Variants in GRK7 observed in about 807,000 individuals in gnomAD.
The protein encoded by GRK7 is rhodopsin kinase GRK7.
Under a neutral mutation model 34.1 loss-of-function variants are expected in GRK7, and 24 were observed. The ratio of observed to expected loss-of-function variants is 0.70; its 90% CI spans 0.51 to 0.99. The LOEUF (loss-of-function observed/expected upper bound fraction) is 0.99, where lower values mean the gene tolerates loss of function less well. Ranked by LOEUF, GRK7 falls within the 50% of genes least tolerant of loss-of-function variation. The pLI is 0.00. For synonymous variants in GRK7, 256 were observed against 279.4 expected, an observed-to-expected ratio of 0.92 and a Z score of 0.84; for missense variants, 644 against 707.3, an observed-to-expected ratio of 0.91 and a Z score of 1.02.
intron 5 of GRK7, among the ~76,000 whole-genome samples, chr3:141,814,225 T>TA (rs11448308): frequency 0.76 from 114,680 of 151,828 alleles, 43,620 homozygotes; most frequent in Middle Eastern, 0.84. Flanking sequence ...GACATTTCTT[T>TA]AAAAAAAAAT....
At chr3:141,788,085 G>A (rs1401993342) in intron 4 of GRK7, among the ~76,000 whole-genome samples, 2 of 152,208 alleles carry the variant, frequency 1.3e-5, no homozygotes, top group African/African-American at 4.8e-5. Context: ...ACTGGAGGCT[G>A]TAATTGAATT....
upstream of GRK7, among the ~76,000 whole-genome samples, chr3:141,760,713 G>A (rs1277170343): frequency 6.8e-6 from 1 of 147,192 alleles, no homozygotes; most frequent in Non-Finnish European, 1.5e-5. Context: ...TTGACAGTGG[G>A]GTGTTAAAGT....
intron 4 of GRK7, 82 bp downstream of exon 4, chr3:141,780,893 T>C (rs2084669388): frequency 1.6e-6 from 2 of 1,253,446 alleles, no homozygotes; most frequent in Non-Finnish European, 2.2e-6. Flanking sequence ...CCAGGGCAAA[T>C]AGAGCCTTGG....
At chr3:141,812,317 G>C (rs896770380) in intron 5 of GRK7, among the ~76,000 whole-genome samples, 1 of 152,166 alleles carries the variant, frequency 6.6e-6, no homozygotes, top group African/African-American at 2.4e-5. Flanking sequence ...TCTCCTATTT[G>C]TTCAAAGTGT....
intron 4 of GRK7, among the ~76,000 whole-genome samples, chr3:141,799,713 C>T (rs190984156): frequency 5.3e-5 from 8 of 152,126 alleles, no homozygotes; most frequent in Admixed American, 2.0e-4. Context: ...GCAAAATGGA[C>T]GCTATCTCAT....
At position 141,816,717 on chromosome 3, in the gene GRK7, A is replaced by G. The variant is rs141648507; in HGVS notation, c.1329A>G (p.Glu443=). 15 of 1,517,660 alleles carry G rather than the reference A, an allele frequency of 9.9e-6. No homozygotes were observed. In the African/African-American group the frequency reaches 2.1e-4, roughly 21 times the overall value. The allele number at this position is 1,517,660 out of a possible 1,614,324, so 94.0% of individuals were successfully genotyped here. A position where few individuals can be genotyped will look rare whatever the true frequency, so the allele number is the denominator to read the frequency against. ...KKPEQRLGSR[E]KSDDPRKHHF... ...TGATCATCTCCTTTCTTCACAGAGA[A>G]AAGTCTGATGATCCCAGGAAACATC... is the stretch of plus-strand genomic sequence containing the variant. The change falls in exon 6 of 6, where the codon GAA becomes GAG. Residue 443 remains glutamate (E), a synonymous_variant. Coordinates refer to ENST00000682958, the MANE Select transcript of GRK7 (RefSeq NM_139209.3).
At chr3:141,754,071 T>C in the GRK7 span, among the ~76,000 whole-genome samples, 2 of 152,366 alleles carry the variant, frequency 1.3e-5, no homozygotes, top group East Asian at 3.9e-4. Flanking sequence ...TTGTGTTTAG[T>C]ATGGTATCTT....
chr3:141,777,491 A>ATTTTTTTTTTTTTTTTTTTTTTT lies in GRK7; in HGVS notation c.-113-666_-113-665insTTTTTTTTTTTTTTTTTTTTTTT, dbSNP rs530806848. Among the ~76,000 whole-genome samples, 38 of 80,544 alleles carry ATTTTTTTTTTTTTTTTTTTTTTT rather than the reference A, an allele frequency of 4.7e-4. 1 individual carries two copies. Among genetic ancestry groups the ATTTTTTTTTTTTTTTTTTTTTTT allele is most frequent in the Middle Eastern group, 9.4e-3 (1 of 106 alleles). 52.8% of individuals were successfully genotyped at this position (80,544 alleles called of 152,430 possible). A position where few individuals can be genotyped will look rare whatever the true frequency, so the allele number is the denominator to read the frequency against. On this transcript the variant is annotated intron_variant, in intron 2 of 5. Coordinates refer to ENST00000682958, the MANE Select transcript of GRK7 (RefSeq NM_139209.3). ...AGGCGCCCGCCATCAAGCCCGGCTA[A>ATTTTTTTTTTTTTTTTTTTTTTT]TTTTTTTTTTTTTTTGTATTTTTTT... is the stretch of plus-strand genomic sequence containing the variant.
In GRK7 at chr3:141,763,599, T is replaced by A. The variant is rs1220829548; in HGVS notation, c.-2354T>A. Among the ~76,000 whole-genome samples the A allele has an allele frequency of 3.3e-5, 5 of 152,132 alleles. No homozygotes were observed. Among genetic ancestry groups the A allele is most frequent in the African/African-American group, 7.2e-5 (3 of 41,422 alleles). On this transcript the variant is annotated 5_prime_UTR_variant, in exon 1 of 6. Transcript: ENST00000682958. ...ATCCCGGATCCAGATCCAGTGTGCG[T>A]GGCAAGGCCAGCACCCCTCCCTGCC...
intron 4 of GRK7, among the ~76,000 whole-genome samples, chr3:141,807,091 G>A (rs1220685984): frequency 6.6e-6 from 1 of 152,146 alleles, no homozygotes; most frequent in Non-Finnish European, 1.5e-5. Context: ...TAAAATGACA[G>A]TGTTAATTAT....
intron 5 of GRK7, among the ~76,000 whole-genome samples, chr3:141,810,148 C>T (rs1374995655): frequency 6.6e-6 from 1 of 152,192 alleles, no homozygotes; most frequent in African/African-American, 2.4e-5. Context: ...GGTAATTCTG[C>T]CAGCAAACCA....
intron 5 of GRK7, among the ~76,000 whole-genome samples, chr3:141,808,481 G>A (rs557388591): frequency 1.1e-4 from 16 of 152,312 alleles, no homozygotes; most frequent in African/African-American, 2.6e-4. Flanking sequence ...TTGGGAGGCC[G>A]AGTCAGGTGG....
At chr3:141,792,173 C>A (rs376550186) in intron 4 of GRK7, among the ~76,000 whole-genome samples, 124 of 149,824 alleles carry the variant, frequency 8.3e-4, no homozygotes, top group Middle Eastern at 3.6e-3. Context: ...GAGGCCGAGG[C>A]GGACAGATCA....
At chr3:141,756,843 T>G in the GRK7 span, among the ~76,000 whole-genome samples, 1 of 152,220 alleles carries the variant, frequency 6.6e-6, no homozygotes, top group Non-Finnish European at 1.5e-5. Flanking sequence ...CATCTTGTTC[T>G]GGTCCCCTGT....
the GRK7 span, among the ~76,000 whole-genome samples, chr3:141,753,678 C>G: frequency 6.6e-6 from 1 of 152,154 alleles, no homozygotes; most frequent in Non-Finnish European, 1.5e-5. Flanking sequence ...AGTCCATGGC[C>G]CAGGCACTGG....
the GRK7 span, among the ~76,000 whole-genome samples, chr3:141,754,406 C>G: frequency 6.1e-5 from 9 of 148,024 alleles, no homozygotes; most frequent in African/African-American, 2.2e-4. Context: ...GACTTGTACT[C>G]GGTGAAGGGC....
At chr3:141,795,018 A>G (rs910426362) in intron 4 of GRK7, among the ~76,000 whole-genome samples, 16 of 152,142 alleles carry the variant, frequency 1.1e-4, no homozygotes, top group Non-Finnish European at 1.6e-4. Flanking sequence ...CAGTGATAAT[A>G]CGGTGTGATC....
chr3:141,779,908 C>G (rs1163768635), intron 3 of GRK7, among the ~76,000 whole-genome samples: 4 of 152,216 alleles, frequency 2.6e-5, no homozygotes, highest in African/African-American at 7.2e-5. Flanking sequence ...TTTCATGTAG[C>G]CATTCATCTG....
chr3:141,815,840 G>A (rs1711147142), intron 5 of GRK7, among the ~76,000 whole-genome samples: 1 of 151,968 alleles, frequency 6.6e-6, no homozygotes. Context: ...GAGCTTGGAA[G>A]CAAATCCCCC....
Sources: allele counts gnomAD v4.1 joint callset (sites outside exome capture counted in the v4.1 genomes callset), GRCh38; gene constraint gnomAD v4.1.1; transcripts MANE v1.5; gene names NCBI Gene and HGNC (gene_info 2026-07-23, HGNC 2026-07-21).